GPC6: variants seen among roughly 807,000 people sequenced by gnomAD.
GPC6 encodes the protein glypican-6.
A neutral mutation model predicts 55.2 loss-of-function variants in GPC6; 14 were observed. That is an observed-to-expected ratio of 0.25 (90% CI 0.17 to 0.40). The LOEUF (loss-of-function observed/expected upper bound fraction) is 0.40, where lower values mean the gene tolerates loss of function less well. Ranked by LOEUF, GPC6 falls within the 10% of genes least tolerant of loss-of-function variation. GPC6 has a pLI of 1.00. For synonymous variants in GPC6, 278 were observed against 259.6 expected, an observed-to-expected ratio of 1.07 and a Z score of -0.68; for missense variants, 641 against 708.5, an observed-to-expected ratio of 0.90 and a Z score of 1.08.
At chr13:93,841,052 G>A (rs564418866) in intron 3 of GPC6, among the ~76,000 whole-genome samples, 8 of 152,202 alleles carry the variant, frequency 5.3e-5, no homozygotes, top group South Asian at 2.1e-4. Flanking sequence ...ACACATGTAC[G>A]AGTGAGGAGG....
intron 4 of GPC6, among the ~76,000 whole-genome samples, chr13:94,272,783 G>A (rs1242388753): frequency 2.0e-5 from 3 of 152,072 alleles, no homozygotes; most frequent in Middle Eastern, 3.4e-3. Context: ...CCTGTTTCTT[G>A]ATGATAGATG....
intron 4 of GPC6, among the ~76,000 whole-genome samples, chr13:94,033,899 G>A (rs116612850): frequency 2.1e-3 from 312 of 152,104 alleles, no homozygotes; most frequent in African/African-American, 7.0e-3. Flanking sequence ...GTCTAGAAAC[G>A]CAACCCTGAA....
At chr13:93,651,977 T>A (rs1247023319) in intron 2 of GPC6, among the ~76,000 whole-genome samples, 1 of 152,162 alleles carries the variant, frequency 6.6e-6, no homozygotes, top group Non-Finnish European at 1.5e-5. Flanking sequence ...ACCACTGGGC[T>A]AAATGATAAA....
intron 2 of GPC6, among the ~76,000 whole-genome samples, chr13:93,583,353 TGC>T (rs144068432): frequency 6.6e-6 from 1 of 150,946 alleles, no homozygotes; most frequent in African/African-American, 2.5e-5. Context: ...TGTGTGTGTG[TGC>T]GCGCGCGCGT....
intron 2 of GPC6, among the ~76,000 whole-genome samples, chr13:93,672,892 C>T (rs1247421808): frequency 6.6e-6 from 1 of 151,998 alleles, no homozygotes; most frequent in Non-Finnish European, 1.5e-5. Context: ...GAGGTATATT[C>T]ATTAGAGGTC....
At chr13:93,962,595 A>T (rs1395509085) in intron 3 of GPC6, among the ~76,000 whole-genome samples, 2 of 152,142 alleles carry the variant, frequency 1.3e-5, no homozygotes, top group Non-Finnish European at 2.9e-5. Flanking sequence ...ATACTTATAT[A>T]GGTGTTAGTT....
intron 2 of GPC6, among the ~76,000 whole-genome samples, chr13:93,650,259 A>G (rs946735195): frequency 6.6e-6 from 1 of 152,196 alleles, no homozygotes; most frequent in Non-Finnish European, 1.5e-5. Context: ...GCAATGTAAG[A>G]AATATTATAG....
chr13:93,875,494 A>G (rs74111015), intron 3 of GPC6, among the ~76,000 whole-genome samples: 5,256 of 152,154 alleles, frequency 0.035, 266 homozygotes, highest in East Asian at 0.17. Flanking sequence ...TGTAATCAAT[A>G]GTCTCTACCA....
At chr13:94,069,210 A>G (rs1471615564) in intron 4 of GPC6, among the ~76,000 whole-genome samples, 1 of 152,172 alleles carries the variant, frequency 6.6e-6, no homozygotes, top group Non-Finnish European at 1.5e-5. Context: ...GGAAGCTGTC[A>G]AGGCTTGGGG....
intron 3 of GPC6, among the ~76,000 whole-genome samples, chr13:93,884,267 G>A (rs75139042): frequency 0.062 from 9,348 of 151,974 alleles, 902 homozygotes; most frequent in African/African-American, 0.2. Context: ...TATCATGGCC[G>A]TTGTCTTACT....
chr13:93,246,317 T>G (rs1876600299), intron 1 of GPC6, among the ~76,000 whole-genome samples: 1 of 152,130 alleles, frequency 6.6e-6, no homozygotes, highest in African/African-American at 2.4e-5. Context: ...TAGTTTTAGG[T>G]TTATCAAGCA....
chr13:94,006,110 G>T lies in GPC6; in HGVS notation c.712-21619G>T, dbSNP rs113211191. On this transcript the variant is annotated intron_variant, in intron 3 of 8. Transcript: ENST00000377047. ...TCAGTGTTTTAACATTTTTATATAG[G>T]CAAAGCTGGCATGCTAAGCCAGAAT... 5.5e-3 allele frequency among the ~76,000 whole-genome samples: 841 copies of T among 152,218 alleles called. 8 individuals carry two copies. Among genetic ancestry groups the T allele is most frequent in the African/African-American group, 0.02 (810 of 41,520 alleles).
intron 1 of GPC6, among the ~76,000 whole-genome samples, chr13:93,239,704 C>T (rs1441512050): frequency 6.6e-6 from 1 of 151,282 alleles, no homozygotes; most frequent in African/African-American, 2.4e-5. Context: ...TTTTCTAGCT[C>T]CTTGAGGTGT....
intron 2 of GPC6, among the ~76,000 whole-genome samples, chr13:93,811,735 A>C (rs80130627): frequency 0.011 from 1,746 of 152,288 alleles, 32 homozygotes; most frequent in African/African-American, 0.039. Flanking sequence ...TGACTAATTA[A>C]AATTATGATC....
chr13:94,035,902 G>A (rs1050618357), intron 4 of GPC6, among the ~76,000 whole-genome samples: 1 of 151,790 alleles, frequency 6.6e-6, no homozygotes, highest in Non-Finnish European at 1.5e-5. Flanking sequence ...AGTCATTTTT[G>A]AAATGAGTTT....
At chr13:93,586,428 G>A (rs1237926831) in intron 2 of GPC6, among the ~76,000 whole-genome samples, 3 of 152,006 alleles carry the variant, frequency 2.0e-5, no homozygotes, top group African/African-American at 7.2e-5. Flanking sequence ...ATACACATGT[G>A]GAACAGAACA....
rs777827686 is a variant in GPC6 at position 94,257,665 on chromosome 13, A to T, written c.878-28684A>T. On this transcript the variant is annotated intron_variant, in intron 4 of 8. Transcript: ENST00000377047. The stretch of plus-strand genomic sequence containing the variant: ...AACACACAGACCCTTGAACACGGTG[A>T]CTTGACCAGTGCAGGGTCCCCTGTG... 8.4e-4 allele frequency among the ~76,000 whole-genome samples: 128 copies of T among 152,328 alleles called. 2 individuals carry two copies. The highest frequency in any genetic ancestry group is 3.9e-3 in the Admixed American group (59 of 15,294).
rs115965651 is a variant in GPC6 at position 94,252,290 on chromosome 13, T to C, written c.878-34059T>C. The stretch of plus-strand genomic sequence containing the variant: ...TATGAGTTCTTTGCAAAGCCCTCCA[T>C]ACTGGCTGCTAAACAGTTTATTAAT... On this transcript the variant is annotated intron_variant, in intron 4 of 8. Coordinates refer to ENST00000377047, the MANE Select transcript of GPC6 (RefSeq NM_005708.5). 2.8e-3 allele frequency among the ~76,000 whole-genome samples: 424 copies of C among 152,288 alleles called. 4 individuals carry two copies. Among genetic ancestry groups the C allele is most frequent in the African/African-American group, 9.1e-3 (379 of 41,568 alleles).
intron 1 of GPC6, among the ~76,000 whole-genome samples, chr13:93,489,564 T>A (rs1350928212): frequency 2.6e-5 from 4 of 151,480 alleles, no homozygotes; most frequent in Non-Finnish European, 2.9e-5. Context: ...CCTTGGGCAG[T>A]ATGGCCATTT....
Sources: gnomAD v4.1 joint callset for allele counts (sites outside exome capture counted in the v4.1 genomes callset) on GRCh38, gnomAD v4.1.1 for gene constraint, MANE v1.5 for transcripts, NCBI Gene and HGNC (gene_info 2026-07-23, HGNC 2026-07-21) for gene names.